The following KHDRBS2 variants were observed in gnomAD, a reference collection of about 807,000 sequenced individuals.
The protein encoded by KHDRBS2 is KH domain-containing, RNA-binding, signal transduction-associated protein 2.
A neutral mutation model predicts 44.3 loss-of-function variants in KHDRBS2; 26 were observed. The observed-to-expected ratio is 0.59, with a 90% CI of 0.43 to 0.81. The LOEUF is 0.81. Ranked by LOEUF, KHDRBS2 falls within the 40% of genes least tolerant of loss-of-function variation. The probability of loss-of-function intolerance (pLI) is 0.00; values close to 1 mark genes in which losing one functional copy is unlikely to be tolerated. For synonymous variants in KHDRBS2, 194 were observed against 151.1 expected (o/e 1.28, Z -2.08); for missense variants, 476 against 433.1 (o/e 1.10, Z -0.88).
intron 3 of KHDRBS2, among the ~76,000 whole-genome samples, chr6:61,987,210 C>T (rs957677497): frequency 6.6e-6 from 1 of 152,150 alleles, no homozygotes; most frequent in Non-Finnish European, 1.5e-5. Context: ...AGTAGTAACA[C>T]AAGACCAAAT....
At chr6:61,849,485 A>C (rs1260330040) in intron 6 of KHDRBS2, among the ~76,000 whole-genome samples, 1 of 152,142 alleles carries the variant, frequency 6.6e-6, no homozygotes, top group Non-Finnish European at 1.5e-5. Context: ...AATAAAGTAC[A>C]TAACTTAAGT....
intron 3 of KHDRBS2, among the ~76,000 whole-genome samples, chr6:62,046,709 G>T (rs1161525384): frequency 6.6e-6 from 1 of 151,830 alleles, no homozygotes; most frequent in Admixed American, 6.6e-5. Flanking sequence ...ATGCTGGTGT[G>T]CTCACCTCTT....
chr6:62,028,306 T>C (rs1365890282), intron 3 of KHDRBS2, among the ~76,000 whole-genome samples: 3 of 152,144 alleles, frequency 2.0e-5, no homozygotes, highest in Non-Finnish European at 4.4e-5. Context: ...ATAGATTTCA[T>C]AAAATATTGA....
chr6:62,266,126 C>A (rs1839161578), intron 1 of KHDRBS2, among the ~76,000 whole-genome samples: 1 of 152,094 alleles, frequency 6.6e-6, no homozygotes, highest in African/African-American at 2.4e-5. Context: ...AGGTGACTGA[C>A]TTTCAACTCA....
chr6:61,718,279 A>G (rs1458035161), intron 7 of KHDRBS2, among the ~76,000 whole-genome samples: 6 of 152,078 alleles, frequency 3.9e-5, no homozygotes, highest in African/African-American at 1.4e-4. Flanking sequence ...CTATTTTTCC[A>G]CCAAATGTAG....
chr6:61,663,992 T>G, the KHDRBS2 span, among the ~76,000 whole-genome samples: 11 of 151,930 alleles, frequency 7.2e-5, no homozygotes, highest in East Asian at 2.2e-3. Context: ...TGACTCTTGC[T>G]GCCTTGTAAT....
chr6:62,195,539 AT>A (rs1389055234), intron 1 of KHDRBS2, among the ~76,000 whole-genome samples: 2 of 152,180 alleles, frequency 1.3e-5, no homozygotes, highest in Non-Finnish European at 2.9e-5. Flanking sequence ...AAATAAACAC[AT>A]TTGTTATAAA....
At chr6:62,197,645 T>A (rs546956672) in intron 1 of KHDRBS2, among the ~76,000 whole-genome samples, 18 of 152,196 alleles carry the variant, frequency 1.2e-4, no homozygotes, top group African/African-American at 4.1e-4. Context: ...AACTTATAAA[T>A]ATACACACCA....
At chr6:61,548,459 T>A in the KHDRBS2 span, among the ~76,000 whole-genome samples, 1 of 152,144 alleles carries the variant, frequency 6.6e-6, no homozygotes, top group Non-Finnish European at 1.5e-5. Context: ...AGTCTGCATT[T>A]CTACCAAGAT....
At chr6:61,699,897 T>C (rs1204133) in intron 7 of KHDRBS2, among the ~76,000 whole-genome samples, 93,814 of 151,704 alleles carry the variant, frequency 0.62, 30,076 homozygotes, top group Non-Finnish European at 0.7. Flanking sequence ...TGTGTTCTCT[T>C]CATCCTTCGA....
At chr6:61,771,666 G>T (rs1780932273) in intron 6 of KHDRBS2, among the ~76,000 whole-genome samples, 1 of 152,100 alleles carries the variant, frequency 6.6e-6, no homozygotes, top group African/African-American at 2.4e-5. Context: ...ACCCAATACA[G>T]GAGCACCCAG....
intron 2 of KHDRBS2, among the ~76,000 whole-genome samples, chr6:62,071,266 A>G (rs893292719): frequency 1.3e-5 from 2 of 152,110 alleles, no homozygotes; most frequent in Non-Finnish European, 2.9e-5. Flanking sequence ...GTAGATTGCA[A>G]AAATTTTCTC....
chr6:62,114,997 G>A (rs1260627293), intron 2 of KHDRBS2, among the ~76,000 whole-genome samples: 25 of 152,178 alleles, frequency 1.6e-4, no homozygotes. Flanking sequence ...TTTAACACAA[G>A]AAATTCTTAT....
At chr6:61,728,134 G>T (rs1370843058) in intron 7 of KHDRBS2, among the ~76,000 whole-genome samples, 2 of 152,130 alleles carry the variant, frequency 1.3e-5, no homozygotes, top group Admixed American at 1.3e-4. Context: ...TCTGTTCTTT[G>T]CAGGGACATG....
chr6:61,874,105 T>C (rs2127307529), intron 6 of KHDRBS2, among the ~76,000 whole-genome samples: 1 of 152,262 alleles, frequency 6.6e-6, no homozygotes, highest in South Asian at 2.1e-4. Context: ...ATATTTTTAT[T>C]GTTTGATAAT....
At chr6:61,830,948 T>C (rs1791699183) in intron 6 of KHDRBS2, among the ~76,000 whole-genome samples, 2 of 152,210 alleles carry the variant, frequency 1.3e-5, no homozygotes, top group Admixed American at 1.3e-4. Flanking sequence ...AAAATGTTCC[T>C]AAATAAATTT....
intron 2 of KHDRBS2, among the ~76,000 whole-genome samples, chr6:62,130,596 T>C (rs1810064599): frequency 1.3e-5 from 2 of 151,982 alleles, no homozygotes; most frequent in South Asian, 4.1e-4. Flanking sequence ...ATGATTTATA[T>C]GTTAATATAT....
At chr6:61,800,944 G>A (rs1333541674) in intron 6 of KHDRBS2, among the ~76,000 whole-genome samples, 4 of 152,014 alleles carry the variant, frequency 2.6e-5, no homozygotes, top group Admixed American at 2.6e-4. Context: ...ATGCTGTGTT[G>A]CCATAGCCCA....
At chr6:62,241,739 G>GATATTACAT (rs1163493044) in intron 1 of KHDRBS2, among the ~76,000 whole-genome samples, 1,963 of 152,154 alleles carry the variant, frequency 0.013, 34 homozygotes, top group African/African-American at 0.045. Context: ...CATGATGCCT[G>GATATTACAT]GGACATAGTT....
Sources: allele counts gnomAD v4.1 joint callset (sites outside exome capture counted in the v4.1 genomes callset), GRCh38; gene constraint gnomAD v4.1.1; transcripts MANE v1.5; gene names NCBI Gene and HGNC (gene_info 2026-07-23, HGNC 2026-07-21).